The following C8A variants were observed in gnomAD, a reference collection of about 807,000 sequenced individuals.
The protein encoded by C8A is complement C8 alpha chain, also known as complement component C8 alpha chain.
A neutral mutation model predicts 65.3 loss-of-function variants in C8A; 67 were observed. The ratio of observed to expected loss-of-function variants is 1.03; its 90% CI spans 0.84 to 1.26. The LOEUF is 1.26. Among genes scored for constraint, C8A ranks in the 50% most tolerant of loss-of-function variants. C8A has a pLI of 0.00. For missense variants in C8A, 781 were observed against 723.9 expected (o/e 1.08, Z -0.90); for synonymous variants, 290 against 259.4 (o/e 1.12, Z -1.13).
intron 6 of C8A, 84 bp from the exon 7 acceptor site, chr1:56,885,843 C>A (rs966289684): frequency 1.3e-6 from 2 of 1,591,888 alleles, no homozygotes; most frequent in Non-Finnish European, 1.7e-6. Context: ...AGCCACTGCA[C>A]CCAGAGACCT....
chr1:56,907,562 T>C (rs752558324), intron 8 of C8A, among the ~76,000 whole-genome samples: 9 of 152,220 alleles, frequency 5.9e-5, no homozygotes, highest in Non-Finnish European at 1.3e-4. Context: ...TGTGCCCACA[T>C]TGAGTCCTAT....
intron 7 of C8A, among the ~76,000 whole-genome samples, chr1:56,899,591 A>G (rs1382144336): frequency 1.3e-5 from 2 of 152,158 alleles, no homozygotes; most frequent in East Asian, 3.9e-4. Context: ...TGTCCTCCCC[A>G]CTCGCTCCTG....
chr1:56,881,112 G>A (rs1315507681), intron 4 of C8A, among the ~76,000 whole-genome samples: 1 of 152,172 alleles, frequency 6.6e-6, no homozygotes, highest in Non-Finnish European at 1.5e-5. Context: ...GTCTCCAAGT[G>A]TTACCTAAAG....
chr1:56,900,916 C>T (rs990432258), intron 7 of C8A, among the ~76,000 whole-genome samples: 2 of 152,094 alleles, frequency 1.3e-5, no homozygotes, highest in Non-Finnish European at 2.9e-5. Flanking sequence ...GAGAGAAGCA[C>T]AGGGATACAC....
At chr1:56,874,057 C>T (rs1030880049) in intron 2 of C8A, among the ~76,000 whole-genome samples, 3 of 152,182 alleles carry the variant, frequency 2.0e-5, no homozygotes, top group Non-Finnish European at 2.9e-5. Context: ...CAGATGATGT[C>T]TTCAGAGCTC....
At chr1:56,884,067 T>TAA (rs61268937) in intron 6 of C8A, among the ~76,000 whole-genome samples, 8 of 126,342 alleles carry the variant, frequency 6.3e-5, no homozygotes, top group Admixed American at 1.7e-4. Context: ...ACTGGTATGC[T>TAA]AAAAAAAAAA....
intron 7 of C8A, among the ~76,000 whole-genome samples, chr1:56,888,318 T>C (rs1310369029): frequency 6.6e-6 from 1 of 152,156 alleles, no homozygotes; most frequent in East Asian, 1.9e-4. Flanking sequence ...CATTCATTAA[T>C]TCATCCGTCT....
Position 56,872,723 on chromosome 1 carries a change from GAT to G in C8A, c.172-2221_172-2220del, listed in dbSNP as rs1200231235. Among the ~76,000 whole-genome samples the G allele has an allele frequency of 1.4e-4, 21 of 152,242 alleles. No homozygotes were observed. In the East Asian group the frequency reaches 4.1e-3, roughly 29 times the overall value. On this transcript the variant is annotated intron_variant, in intron 2 of 10. Transcript: ENST00000361249. ...TAGTATGTTTAGGAACAATGAGCAA[GAT>G]ATATTTGGCTGAAGTCATAGTTTCA...
At position 56,854,845 on chromosome 1, in the gene C8A, C is replaced by A; in HGVS notation, c.-57C>A. ...CTGTAGACATCTTTTACTCCAATTT[C>A]CTGAATAGATAGCTTTATTCCTTCA... On this transcript the variant is annotated 5_prime_UTR_variant, in exon 1 of 11. Transcript: ENST00000361249. 1 of 1,481,200 alleles carries A rather than the reference C, an allele frequency of 6.8e-7. No individual in the cohort carries two copies. 91.8% of individuals were successfully genotyped at this position (1,481,200 alleles called of 1,614,324 possible).
intron 2 of C8A, among the ~76,000 whole-genome samples, chr1:56,873,824 T>A (rs1222482342): frequency 6.6e-6 from 1 of 152,170 alleles, no homozygotes; most frequent in African/African-American, 2.4e-5. Flanking sequence ...ACACATTTTA[T>A]GTCCTCAACT....
intron 7 of C8A, among the ~76,000 whole-genome samples, chr1:56,899,388 T>C (rs536368190): frequency 3.9e-5 from 6 of 152,316 alleles, no homozygotes; most frequent in African/African-American, 1.4e-4. Flanking sequence ...ATCCCAGTTC[T>C]GTTATTTACT....
At chr1:56,897,115 A>G (rs976639696) in intron 7 of C8A, among the ~76,000 whole-genome samples, 1 of 152,214 alleles carries the variant, frequency 6.6e-6, no homozygotes, top group African/African-American at 2.4e-5. Context: ...TTCTAAGAAC[A>G]TCAAACTGTT....
intron 1 of C8A, among the ~76,000 whole-genome samples, chr1:56,857,556 G>C (rs1570308980): frequency 1.3e-5 from 2 of 151,944 alleles, no homozygotes; most frequent in South Asian, 4.2e-4. Flanking sequence ...AACATACATA[G>C]ATGAGGCTTG....
intron 1 of C8A, among the ~76,000 whole-genome samples, chr1:56,864,296 A>G (rs1338820546): frequency 1.3e-5 from 2 of 152,190 alleles, no homozygotes; most frequent in Non-Finnish European, 2.9e-5. Flanking sequence ...TGATTGAGGG[A>G]ACAGTGGGGT....
chr1:56,871,818 G>T (rs1229101998), intron 2 of C8A, among the ~76,000 whole-genome samples: 2 of 152,280 alleles, frequency 1.3e-5, no homozygotes, highest in East Asian at 3.9e-4. Flanking sequence ...AAAGAAGATT[G>T]GCTGCTAATT....
Position 56,875,077 on chromosome 1 carries a change from C to T in C8A, c.300C>T (p.Phe100=). ...CVRQAQCGQD[F]QCKETGRCLK... ...GGCAAGCACAGTGTGGACAGGATTT[C>T]CAGTGTAAGGAGACAGGTGAGTAGC... is the stretch of plus-strand genomic sequence containing the variant. Residue 100 remains phenylalanine (F), a synonymous_variant, in exon 3 of 11, where the codon TTC becomes TTT. Transcript: ENST00000361249. 2 of 1,613,548 alleles carry T rather than the reference C, an allele frequency of 1.2e-6. No individual in the cohort carries two copies. The highest frequency in any genetic ancestry group is 1.7e-6 in the Non-Finnish European group (2 of 1,179,704).
intron 10 of C8A, among the ~76,000 whole-genome samples, chr1:56,914,755 C>T (rs1002671406): frequency 2.0e-5 from 3 of 152,110 alleles, no homozygotes; most frequent in Non-Finnish European, 2.9e-5. Context: ...ACCTCCTCCT[C>T]CCGGGTTCAA....
chr1:56,915,942 T>C (rs1183714018), intron 10 of C8A, among the ~76,000 whole-genome samples: 1 of 152,160 alleles, frequency 6.6e-6, no homozygotes. Context: ...TGGCCTGGCT[T>C]AAAGGAACAG....
chr1:56,918,031 AC>A lies in C8A; in HGVS notation c.*316del, dbSNP rs1644567904. On this transcript the variant is annotated 3_prime_UTR_variant, in exon 11 of 11. Transcript: ENST00000361249. ...AAAACTCAATCCATGACCAGGGAGA[AC>A]TTACAGGATGTTAGAGACAAAACAA... The A allele has an allele frequency of 1.8e-5, 5 of 285,154 alleles. No individual in the cohort carries two copies. The South Asian group carries it at 1.8e-4, about 10-fold the overall frequency. 17.7% of individuals were successfully genotyped at this position (285,154 alleles called of 1,614,324 possible). A position where few individuals can be genotyped will look rare whatever the true frequency, so the allele number is the denominator to read the frequency against.
Sources: gnomAD v4.1 joint callset for allele counts (sites outside exome capture counted in the v4.1 genomes callset) on GRCh38, gnomAD v4.1.1 for gene constraint, MANE v1.5 for transcripts, NCBI Gene and HGNC (gene_info 2026-07-23, HGNC 2026-07-21) for gene names.